The following USP24 variants were observed in gnomAD, a reference collection of about 807,000 sequenced individuals.
USP24 encodes the protein ubiquitin carboxyl-terminal hydrolase 24.
In USP24, 97 loss-of-function variants were observed where a neutral mutation model predicts 361.6. That is an observed-to-expected ratio of 0.27 (90% CI 0.23 to 0.32). USP24 has a LOEUF of 0.32. Among genes scored for constraint, USP24 ranks in the 10% least tolerant of loss-of-function variants. USP24 has a pLI of 1.00. For missense variants in USP24, 2,353 were observed against 3,165.6 expected, an observed-to-expected ratio of 0.74 and a Z score of 6.16; for synonymous variants, 1,098 against 1,124.6, an observed-to-expected ratio of 0.98 and a Z score of 0.47.
At chr1:55,075,592 T>C in intron 62 of USP24, 69 bp from the exon 63 acceptor site, 1 of 1,077,524 alleles carries the variant, frequency 9.3e-7, no homozygotes, top group Non-Finnish European at 1.4e-6. Flanking sequence ...GTGCTTTCTT[T>C]ATAATTCTAC....
intron 38 of USP24, among the ~76,000 whole-genome samples, chr1:55,118,257 G>A (rs147370953): frequency 6.6e-6 from 1 of 152,206 alleles, no homozygotes; most frequent in African/African-American, 2.4e-5. Flanking sequence ...GTCTTATACT[G>A]GTAAAAAGAC....
At chr1:55,069,148 G>A in intron 67 of USP24, 41 bp from the exon 68 acceptor site, 1 of 1,608,020 alleles carries the variant, frequency 6.2e-7, no homozygotes, top group Non-Finnish European at 8.5e-7. Flanking sequence ...TACGGTTAGA[G>A]AAAAGGTTTT....
Position 55,210,820 on chromosome 1 carries a change from T to C in USP24, c.324+3970A>G, listed in dbSNP as rs1036400443. ...CAGGAACAAAACAAGGAGTTCACAA[T>C]GTTTATCAGATCACAGTATTAAATG... is the stretch of plus-strand genomic sequence containing the variant. On this transcript the variant is annotated intron_variant, in intron 1 of 67. Coordinates refer to ENST00000294383, the MANE Select transcript of USP24 (RefSeq NM_015306.3). Among the ~76,000 whole-genome samples the C allele has an allele frequency of 2.6e-5, 4 of 152,168 alleles. No homozygotes were observed. In the East Asian group the frequency reaches 5.8e-4, roughly 22 times the overall value.
chr1:55,166,204 T>C (rs1255833203), intron 6 of USP24, among the ~76,000 whole-genome samples: 1 of 151,804 alleles, frequency 6.6e-6, no homozygotes, highest in East Asian at 1.9e-4. Context: ...TATTATTGAC[T>C]GCAGTCATCC....
intron 38 of USP24, among the ~76,000 whole-genome samples, chr1:55,115,271 C>T (rs960144278): frequency 6.6e-6 from 1 of 151,964 alleles, no homozygotes; most frequent in Non-Finnish European, 1.5e-5. Flanking sequence ...GTAATCCCAG[C>T]ACTTTGGGAG....
At chr1:55,199,251 T>C (rs1187570253) in intron 1 of USP24, among the ~76,000 whole-genome samples, 2 of 151,990 alleles carry the variant, frequency 1.3e-5, no homozygotes, top group African/African-American at 4.8e-5. Flanking sequence ...ATTGCACCAC[T>C]GCACTTTAGC....
intron 1 of USP24, among the ~76,000 whole-genome samples, chr1:55,208,002 C>G (rs937199876): frequency 2.6e-5 from 4 of 152,124 alleles, no homozygotes; most frequent in Non-Finnish European, 5.9e-5. Flanking sequence ...TTAAAAGATT[C>G]CAAAGACTGC....
chr1:55,131,827 T>C (rs1389637388), intron 31 of USP24, among the ~76,000 whole-genome samples: 2 of 152,244 alleles, frequency 1.3e-5, no homozygotes, highest in Admixed American at 1.3e-4. Context: ...CTTTAGTGCC[T>C]GGATATAACT....
At position 55,098,491 on chromosome 1, in the gene USP24, T is replaced by G; in HGVS notation, c.5438A>C (p.Lys1813Thr). The change falls in exon 46 of 68, where the codon AAA becomes ACA. Residue 1813 changes from lysine to threonine, a missense_variant. Around this residue, in one of 8 missense-constraint regions of USP24, gnomAD observed 105 missense variants for 200.3 expected, o/e 0.52. Transcript: ENST00000294383. ...QGIYSDQKIC[K>T]DCPHRYEREE... Reference sequence around the variant, plus strand: ...CTTCACTCACCTGTGAGGACAGTCTTTACAGATCTTCTGATCAGAGTAGAT... The same window carrying G: ...CTTCACTCACCTGTGAGGACAGTCTGTACAGATCTTCTGATCAGAGTAGAT... 6.2e-7 allele frequency: 1 copy of G among 1,612,710 alleles called. No homozygotes were observed. The highest frequency in any genetic ancestry group is 8.5e-7 in the Non-Finnish European group (1 of 1,179,188).
At chr1:55,182,428 C>T (rs945204247) in intron 1 of USP24, among the ~76,000 whole-genome samples, 1 of 152,146 alleles carries the variant, frequency 6.6e-6, no homozygotes, top group African/African-American at 2.4e-5. Context: ...GCCACCCAGT[C>T]TGTGGTATTT....
At position 55,092,809 on chromosome 1, in the gene USP24, T is replaced by G; in HGVS notation, c.6450+12A>C. 1.3e-6 allele frequency: 2 copies of G among 1,524,834 alleles called. No individual in the cohort carries two copies. The highest frequency in any genetic ancestry group is 1.8e-6 in the Non-Finnish European group (2 of 1,115,720). 94.5% of individuals were successfully genotyped at this position (1,524,834 alleles called of 1,614,324 possible). A position where few individuals can be genotyped will look rare whatever the true frequency, so the allele number is the denominator to read the frequency against. On this transcript the variant is annotated intron_variant, in intron 53 of 67. Transcript: ENST00000294383. ...CCCTTTCTTATTTCTAACAATCCAG[T>G]TAGTTACTTACAGCATTCAATGAAG...
intron 23 of USP24, 101 bp downstream of exon 23, chr1:55,142,641 C>A (rs1212189838): frequency 7.0e-6 from 6 of 852,126 alleles, no homozygotes; most frequent in East Asian, 5.6e-5. Flanking sequence ...CAATAGGATC[C>A]AGCCACAAAC....
At chr1:55,183,461 T>C (rs1644035102) in intron 1 of USP24, among the ~76,000 whole-genome samples, 1 of 152,154 alleles carries the variant, frequency 6.6e-6, no homozygotes, top group Non-Finnish European at 1.5e-5. Context: ...TCTCTGTAAA[T>C]GTAAGATATT....
chr1:55,195,741 T>C (rs1482504498), intron 1 of USP24, among the ~76,000 whole-genome samples: 1 of 152,014 alleles, frequency 6.6e-6, no homozygotes, highest in Non-Finnish European at 1.5e-5. Flanking sequence ...GTATCTGAAG[T>C]ATTGAAGCTC....
At chr1:55,131,463 CAT>C (rs1646590164) in intron 31 of USP24, among the ~76,000 whole-genome samples, 1 of 152,154 alleles carries the variant, frequency 6.6e-6, no homozygotes, top group Non-Finnish European at 1.5e-5. Context: ...CTGAATACTG[CAT>C]ATGTTTTTAA....
rs556774437 is a variant in USP24 at position 55,129,990 on chromosome 1, T to C, written c.3538-416A>G. ...AACTCTAACTCCTATTTATTGAACA[T>C]CTACAATGTATCAGGCATATGTATT... is the stretch of plus-strand genomic sequence containing the variant. On this transcript the variant is annotated intron_variant, in intron 31 of 67. Transcript: ENST00000294383. Among the ~76,000 whole-genome samples the C allele has an allele frequency of 2.6e-5, 4 of 152,324 alleles. No homozygotes were observed. In the East Asian group the frequency reaches 7.7e-4, roughly 29 times the overall value.
chr1:55,100,498 A>G (rs1025950478), intron 44 of USP24, among the ~76,000 whole-genome samples: 3 of 148,728 alleles, frequency 2.0e-5, no homozygotes, highest in Admixed American at 6.7e-5. Flanking sequence ...CTCCGTCTCA[A>G]AAAAAAAAAA....
chr1:55,137,877 C>A lies in USP24; in HGVS notation c.2956G>T (p.Val986Phe), dbSNP rs1646782293. Residue 986 changes from valine (V) to phenylalanine (F), a missense_variant, in exon 27 of 68, where the codon GTC becomes TTC. Physicochemically the swap from Val to Phe is conservative, Grantham distance 50. Around this residue, in one of 8 missense-constraint regions of USP24, gnomAD observed 949 missense variants for 1,280.5 expected, o/e 0.74. Transcript: ENST00000294383. ...AACTGCTTGGCTATTTTCCACCGGACACTCCCTATGGTTTCATTACTGTGA... is the reference window on the plus strand; with the variant it reads ...AACTGCTTGGCTATTTTCCACCGGAAACTCCCTATGGTTTCATTACTGTGA... Reference protein sequence around the residue: ...EAHSNETIGSVRWKIAKQLCS... With the variant: ...EAHSNETIGSFRWKIAKQLCS... 1 of 1,593,988 alleles carries A rather than the reference C, an allele frequency of 6.3e-7. No individual in the cohort carries two copies.
intron 54 of USP24, among the ~76,000 whole-genome samples, chr1:55,090,670 C>T (rs1292914583): frequency 6.6e-6 from 1 of 152,192 alleles, no homozygotes; most frequent in Non-Finnish European, 1.5e-5. Flanking sequence ...TCTCCCCTTA[C>T]TCTAGGTATA....
Sources: gnomAD v4.1 joint callset for allele counts (sites outside exome capture counted in the v4.1 genomes callset) on GRCh38, gnomAD v4.1.1 for gene constraint, gnomAD v4.1.1 regional missense constraint, MANE v1.5 for transcripts, NCBI Gene and HGNC (gene_info 2026-07-23, HGNC 2026-07-21) for gene names.